Variants in ANKRD29 observed in about 807,000 individuals in gnomAD.
ANKRD29 encodes ankyrin repeat domain-containing protein 29.
A neutral mutation model predicts 38.0 loss-of-function variants in ANKRD29; 32 were observed. The observed-to-expected ratio is 0.84, with a 90% CI of 0.64 to 1.13. The LOEUF is 1.13. Among genes scored for constraint, ANKRD29 ranks in the 50% most tolerant of loss-of-function variants. The pLI is 0.00. For missense variants in ANKRD29, 357 were observed against 377.9 expected (o/e 0.94, Z 0.46); for synonymous variants, 135 against 152.4 (o/e 0.89, Z 0.84).
chr18:23,625,961 T>G (rs1346962011), intron 6 of ANKRD29, among the ~76,000 whole-genome samples: 2 of 152,182 alleles, frequency 1.3e-5, no homozygotes, highest in Admixed American at 6.5e-5. Context: ...CTTCCAGACC[T>G]GCTCTGCACC....
intron 5 of ANKRD29, among the ~76,000 whole-genome samples, chr18:23,632,989 A>G (rs1487947396): frequency 6.6e-6 from 1 of 152,234 alleles, no homozygotes; most frequent in African/African-American, 2.4e-5. Context: ...TGCCCCAGGC[A>G]TAAGGGTTAA....
rs371098776 is a variant in ANKRD29 at position 23,638,807 on chromosome 18, G to A, written c.330+42C>T. On this transcript the variant is annotated intron_variant, in intron 4 of 9. Coordinates refer to ENST00000592179, the MANE Select transcript of ANKRD29 (RefSeq NM_173505.4). ...GAGAAAAGCAATACCCATGGCTGCT[G>A]AAATTCTTCAACATAATACAAAATC... 1.1e-5 allele frequency: 16 copies of A among 1,518,810 alleles called. No homozygotes were observed. In the African/African-American group the frequency reaches 1.5e-4, roughly 14 times the overall value. The allele number at this position is 1,518,810 out of a possible 1,614,324, so 94.1% of individuals were successfully genotyped here. A position where few individuals can be genotyped will look rare whatever the true frequency, so the allele number is the denominator to read the frequency against.
At chr18:23,654,283 T>A (rs201264581) in intron 1 of ANKRD29, among the ~76,000 whole-genome samples, 1 of 59,774 alleles carries the variant, frequency 1.7e-5, no homozygotes, top group South Asian at 5.8e-4. Flanking sequence ...CCACAAAAAA[T>A]AAATAAATAA....
chr18:23,649,026 C>T (rs2060176444), intron 2 of ANKRD29, 57 bp downstream of exon 2: 26 of 1,422,362 alleles, frequency 1.8e-5, no homozygotes, highest in Non-Finnish European at 2.3e-5. Context: ...TGAGGTGCTC[C>T]TGTGCCCACA....
intron 3 of ANKRD29, among the ~76,000 whole-genome samples, chr18:23,645,357 C>T (rs941148823): frequency 2.4e-4 from 36 of 152,258 alleles, no homozygotes; most frequent in African/African-American, 6.0e-4. Context: ...GGGCAGATCA[C>T]GAGGTCAGGA....
rs2059494563 is a variant in ANKRD29 at position 23,600,098 on chromosome 18, T to C, written c.*1128A>G. 1 of 152,538 alleles carries C rather than the reference T, an allele frequency of 6.6e-6. No individual in the cohort carries two copies. Among genetic ancestry groups the C allele is most frequent in the Middle Eastern group, 3.2e-3 (1 of 316 alleles). 9.4% of individuals were successfully genotyped at this position (152,538 alleles called of 1,614,324 possible). A position where few individuals can be genotyped will look rare whatever the true frequency, so the allele number is the denominator to read the frequency against. On this transcript the variant is annotated 3_prime_UTR_variant, in exon 10 of 10. Transcript: ENST00000592179. ...TTTGTATGTGCAGTTAGGCACTGAC[T>C]GAGGCATTTAGACACCATTAATTAT...
At chr18:23,631,156 A>G (rs976966666) in intron 5 of ANKRD29, among the ~76,000 whole-genome samples, 3 of 151,538 alleles carry the variant, frequency 2.0e-5, no homozygotes, top group African/African-American at 7.3e-5. Context: ...CCAACTACTC[A>G]AGAGGCTGAG....
At chr18:23,659,877 G>T (rs12966755) in intron 1 of ANKRD29, among the ~76,000 whole-genome samples, 66,703 of 151,890 alleles carry the variant, frequency 0.44, 17,971 homozygotes, top group Middle Eastern at 0.61. Flanking sequence ...CTGGGAGCCC[G>T]AGGCAGGCAG....
intron 9 of ANKRD29, 150 bp downstream of exon 9, chr18:23,611,942 C>T (rs2059647763): frequency 1.6e-6 from 1 of 616,504 alleles, no homozygotes; most frequent in African/African-American, 1.8e-5. Context: ...AACTGTACTG[C>T]TCACTAATCA....
intron 3 of ANKRD29, among the ~76,000 whole-genome samples, chr18:23,645,212 T>C (rs2060123163): frequency 6.6e-6 from 1 of 152,212 alleles, no homozygotes; most frequent in African/African-American, 2.4e-5. Flanking sequence ...CCTGAGCGTG[T>C]GTCTCCATAA....
At chr18:23,650,482 C>T (rs1368716173) in intron 1 of ANKRD29, among the ~76,000 whole-genome samples, 2 of 152,188 alleles carry the variant, frequency 1.3e-5, no homozygotes, top group Admixed American at 6.5e-5. Flanking sequence ...AATTTTGGAG[C>T]CATACCTATG....
At chr18:23,608,965 G>T (rs2059606660) in intron 9 of ANKRD29, among the ~76,000 whole-genome samples, 1 of 152,070 alleles carries the variant, frequency 6.6e-6, no homozygotes, top group African/African-American at 2.4e-5. Context: ...AGCCTGGCAT[G>T]CCCCTGTAAT....
chr18:23,632,541 A>G (rs2059947815), intron 5 of ANKRD29, among the ~76,000 whole-genome samples: 1 of 148,280 alleles, frequency 6.7e-6, no homozygotes. Context: ...GTGTATATAT[A>G]TATATATTAC....
At chr18:23,647,370 G>A (rs1304863236) in intron 2 of ANKRD29, 6 of 152,186 alleles carry the variant, frequency 3.9e-5, no homozygotes, top group African/African-American at 1.4e-4. Context: ...ATAACATTAC[G>A]ATAATTCAAT....
At chr18:23,645,374 G>A (rs1175100930) in intron 3 of ANKRD29, among the ~76,000 whole-genome samples, 1 of 152,172 alleles carries the variant, frequency 6.6e-6, no homozygotes, top group Non-Finnish European at 1.5e-5. Context: ...AGGAGATCGA[G>A]ACCATCTTGG....
At chr18:23,655,945 T>C (rs1432205173) in intron 1 of ANKRD29, among the ~76,000 whole-genome samples, 11 of 148,656 alleles carry the variant, frequency 7.4e-5, no homozygotes, top group Admixed American at 1.3e-4. Context: ...TACAAAAAAT[T>C]AGCCGGGCGT....
intron 8 of ANKRD29, among the ~76,000 whole-genome samples, chr18:23,615,974 C>G (rs973708485): frequency 1.7e-5 from 2 of 116,134 alleles, no homozygotes; most frequent in East Asian, 2.7e-4. Context: ...TGTATATATA[C>G]TATGTATGTA....
chr18:23,621,410 G>A (rs2059795848), intron 6 of ANKRD29, among the ~76,000 whole-genome samples: 1 of 152,064 alleles, frequency 6.6e-6, no homozygotes, highest in Non-Finnish European at 1.5e-5. Flanking sequence ...AGGAGGATCT[G>A]GGGGTGCTGA....
chr18:23,660,930 A>G (rs1180881441), intron 1 of ANKRD29, among the ~76,000 whole-genome samples: 1 of 152,208 alleles, frequency 6.6e-6, no homozygotes. Context: ...TCCTAACACC[A>G]CTGAAAGTGC....
Sources: gnomAD v4.1 joint callset for allele counts (sites outside exome capture counted in the v4.1 genomes callset) on GRCh38, gnomAD v4.1.1 for gene constraint, MANE v1.5 for transcripts, NCBI Gene and HGNC (gene_info 2026-07-23, HGNC 2026-07-21) for gene names.